The following TAFA4 variants were observed in gnomAD, a reference collection of about 807,000 sequenced individuals.
TAFA4 encodes the protein chemokine-like protein TAFA-4.
TAFA4 carries 20 observed loss-of-function variants against 21.1 expected under a neutral mutation model. That is an observed-to-expected ratio of 0.95 (90% CI 0.67 to 1.38). The LOEUF is 1.38. Ranked by LOEUF, TAFA4 falls within the 40% of genes most tolerant of loss-of-function variation. TAFA4 has a pLI of 0.00. For missense variants in TAFA4, 211 were observed against 180.9 expected (o/e 1.17, Z -0.95); for synonymous variants, 71 against 67.4 (o/e 1.05, Z -0.26).
chr3:68,814,810 C>T (rs1359034386), intron 3 of TAFA4, among the ~76,000 whole-genome samples: 1 of 152,180 alleles, frequency 6.6e-6, no homozygotes, highest in Admixed American at 6.5e-5. Context: ...TTGGAAAAAA[C>T]TACTTTAAAG....
chr3:68,825,461 C>A (rs960131657), intron 3 of TAFA4, among the ~76,000 whole-genome samples: 1 of 152,180 alleles, frequency 6.6e-6, no homozygotes, highest in African/African-American at 2.4e-5. Context: ...GATACATGCA[C>A]GTGTATGTTC....
chr3:68,924,509 C>G (rs1044691855), intron 1 of TAFA4, among the ~76,000 whole-genome samples: 2 of 152,112 alleles, frequency 1.3e-5, no homozygotes, highest in African/African-American at 4.8e-5. Context: ...TTCATGGGTA[C>G]AGAGTTCAGT....
chr3:68,875,848 T>C lies in TAFA4; in HGVS notation c.130+4882A>G, dbSNP rs115809090. On this transcript the variant is annotated intron_variant, in intron 3 of 5. Coordinates refer to ENST00000295569, the MANE Select transcript of TAFA4 (RefSeq NM_182522.5). ...CATCAGGAAACAGAACTCTTCCCCA[T>C]TCTTTATTACTTGAGGTTACGAATC... 8.1e-3 allele frequency among the ~76,000 whole-genome samples: 1,226 copies of C among 152,228 alleles called. 13 individuals are homozygous for C. Among genetic ancestry groups the C allele is most frequent in the African/African-American group, 0.028 (1,171 of 41,536 alleles).
chr3:68,867,099 C>T (rs2089429648), intron 3 of TAFA4, among the ~76,000 whole-genome samples: 1 of 151,816 alleles, frequency 6.6e-6, no homozygotes, highest in African/African-American at 2.4e-5. Context: ...CCAAATATAA[C>T]CAACCCGAAT....
chr3:68,871,397 C>A (rs377569625), intron 3 of TAFA4, among the ~76,000 whole-genome samples: 2 of 151,970 alleles, frequency 1.3e-5, no homozygotes, highest in African/African-American at 4.8e-5. Context: ...CAAAGCTAGA[C>A]CCCTATCGCT....
At chr3:68,845,012 G>A (rs532277973) in intron 3 of TAFA4, among the ~76,000 whole-genome samples, 27 of 152,258 alleles carry the variant, frequency 1.8e-4, no homozygotes, top group South Asian at 4.1e-4. Flanking sequence ...GGGGAGGAGC[G>A]TTCTGTAGAG....
chr3:68,795,068 G>C (rs1463427942), intron 3 of TAFA4, among the ~76,000 whole-genome samples: 1 of 149,326 alleles, frequency 6.7e-6, no homozygotes, highest in African/African-American at 2.5e-5. Flanking sequence ...CAGCACACAG[G>C]GTCTGAGAGA....
chr3:68,834,314 C>G (rs1003139759), intron 3 of TAFA4, among the ~76,000 whole-genome samples: 1 of 152,154 alleles, frequency 6.6e-6, no homozygotes, highest in Non-Finnish European at 1.5e-5. Flanking sequence ...CCCACATACC[C>G]AAAGCCATGG....
intron 1 of TAFA4, among the ~76,000 whole-genome samples, chr3:68,920,142 T>A (rs966907566): frequency 2.6e-5 from 4 of 152,152 alleles, no homozygotes; most frequent in South Asian, 4.1e-4. Flanking sequence ...ATACAGTACA[T>A]TCATAGTGGA....
At chr3:68,734,396 G>A (rs752849733) in intron 5 of TAFA4, among the ~76,000 whole-genome samples, 11 of 152,020 alleles carry the variant, frequency 7.2e-5, no homozygotes, top group Non-Finnish European at 1.0e-4. Context: ...AAGGTAGTAC[G>A]ATACAGGAAA....
intron 3 of TAFA4, among the ~76,000 whole-genome samples, chr3:68,819,347 T>G (rs1489397537): frequency 6.6e-6 from 1 of 151,036 alleles, no homozygotes; most frequent in Non-Finnish European, 1.5e-5. Flanking sequence ...CAAGGATGCC[T>G]GTGTTTCTTT....
intron 3 of TAFA4, among the ~76,000 whole-genome samples, chr3:68,822,476 T>A (rs1704134823): frequency 6.6e-6 from 1 of 151,616 alleles, no homozygotes; most frequent in Admixed American, 6.6e-5. Flanking sequence ...ATTCTTTTTT[T>A]CTCTCTCTCT....
chr3:68,856,055 T>C (rs910112750), intron 3 of TAFA4, among the ~76,000 whole-genome samples: 1 of 151,984 alleles, frequency 6.6e-6, no homozygotes, highest in Non-Finnish European at 1.5e-5. Context: ...TCCTTAATAT[T>C]TGTACCAGTT....
intron 3 of TAFA4, among the ~76,000 whole-genome samples, chr3:68,879,163 T>C (rs2089587283): frequency 6.6e-6 from 1 of 152,152 alleles, no homozygotes; most frequent in African/African-American, 2.4e-5. Context: ...GGAGCCTCTC[T>C]GGACACTCAG....
At chr3:68,750,830 T>C (rs1702545292) in intron 4 of TAFA4, among the ~76,000 whole-genome samples, 1 of 152,284 alleles carries the variant, frequency 6.6e-6, no homozygotes, top group East Asian at 1.9e-4. Flanking sequence ...ATATTGTCTG[T>C]AGAGAGCAAT....
At chr3:68,893,064 G>A (rs2089746938) in intron 1 of TAFA4, among the ~76,000 whole-genome samples, 2 of 152,284 alleles carry the variant, frequency 1.3e-5, no homozygotes, top group South Asian at 2.1e-4. Context: ...TATCCTTACT[G>A]CAGAGGGTTT....
At chr3:68,737,805 A>G (rs565966565) in intron 5 of TAFA4, among the ~76,000 whole-genome samples, 1 of 152,210 alleles carries the variant, frequency 6.6e-6, no homozygotes, top group African/African-American at 2.4e-5. Flanking sequence ...CGACATAAGA[A>G]AGGCAAGAAG....
chr3:68,924,574 G>A (rs1031356770), intron 1 of TAFA4, among the ~76,000 whole-genome samples: 2 of 152,166 alleles, frequency 1.3e-5, no homozygotes, highest in African/African-American at 2.4e-5. Flanking sequence ...GCTTAACAAT[G>A]TGAATGTACT....
chr3:68,742,501 C>A (rs954905995), intron 4 of TAFA4, among the ~76,000 whole-genome samples: 2 of 152,092 alleles, frequency 1.3e-5, no homozygotes, highest in Non-Finnish European at 2.9e-5. Flanking sequence ...TATTGAGGGC[C>A]AGGCACCCGG....
Sources: allele counts gnomAD v4.1 joint callset (sites outside exome capture counted in the v4.1 genomes callset), GRCh38; gene constraint gnomAD v4.1.1; transcripts MANE v1.5; gene names NCBI Gene and HGNC (gene_info 2026-07-23, HGNC 2026-07-21).